Variants in PMPCB observed in about 807,000 individuals in gnomAD.
The protein encoded by PMPCB is peptidase, mitochondrial processing subunit beta.
PMPCB carries 46 observed loss-of-function variants against 61.5 expected under a neutral mutation model. The observed-to-expected ratio is 0.75, with a 90% CI of 0.59 to 0.96. PMPCB has a LOEUF of 0.96. Among genes scored for constraint, PMPCB ranks in the 40% least tolerant of loss-of-function variants. PMPCB has a pLI of 0.00. For synonymous variants in PMPCB, 191 were observed against 201.6 expected (o/e 0.95, Z 0.44); for missense variants, 590 against 602.4 (o/e 0.98, Z 0.22).
chr7:103,306,462 A>C (rs1817595069), intron 6 of PMPCB, among the ~76,000 whole-genome samples: 1 of 150,120 alleles, frequency 6.7e-6, no homozygotes, highest in Admixed American at 6.7e-5. Context: ...GGCTCACCGC[A>C]AACTCCGCCT....
chr7:103,308,920 A>C, intron 7 of PMPCB, 32 bp from the exon 8 acceptor site: 2 of 1,516,032 alleles, frequency 1.3e-6, no homozygotes, highest in African/African-American at 2.8e-5. Context: ...TGTTAATCTT[A>C]ACTAGAGGTC....
At chr7:103,347,491 T>C in the PMPCB span, 1 of 482,972 alleles carries the variant, frequency 2.1e-6, no homozygotes, top group Admixed American at 3.2e-5. Context: ...ATGCCAGGCG[T>C]TTTACAAACA....
rs1345776325 is a variant in PMPCB, at chr7:103,314,425, T to C, written c.*2154T>C. On this transcript the variant is annotated 3_prime_UTR_variant, in exon 13 of 13. Coordinates refer to ENST00000249269, the MANE Select transcript of PMPCB (RefSeq NM_004279.3). ...CAAAGGAGTCATACCCACATAGCAC[T>C]ACTGCCAGTCACTCTTGCCTTCACA... The C allele has an allele frequency of 1.0e-6, 1 of 985,264 alleles. No individual in the cohort carries two copies. The highest frequency in any genetic ancestry group is 1.2e-6 in the Non-Finnish European group (1 of 829,924). 61.0% of individuals were successfully genotyped at this position (985,264 alleles called of 1,614,324 possible).
At chr7:103,329,031 G>C (rs1277493279) in exon 13 of PMPCB, 1 of 1,255,170 alleles carries the variant, frequency 8.0e-7, no homozygotes, top group Non-Finnish European at 1.0e-6. Flanking sequence ...TTTTACCACA[G>C]CCTCAGCCAC....
chr7:103,306,030 T>A (rs1586044849), intron 6 of PMPCB, among the ~76,000 whole-genome samples: 1 of 152,330 alleles, frequency 6.6e-6, no homozygotes, highest in East Asian at 1.9e-4. Flanking sequence ...TTAATTAGTA[T>A]TCATTTTAAA....
intron 4 of PMPCB, among the ~76,000 whole-genome samples, chr7:103,301,980 T>C (rs1426998599): frequency 6.6e-6 from 1 of 152,068 alleles, no homozygotes; most frequent in African/African-American, 2.4e-5. Context: ...GGCTCCGGTG[T>C]GTGATGTTCC....
At chr7:103,308,899 A>C (rs1304982476) in intron 7 of PMPCB, 53 bp from the exon 8 acceptor site, 16 of 1,397,272 alleles carry the variant, frequency 1.1e-5, no homozygotes, top group Non-Finnish European at 1.5e-5. Context: ...GTTAATAAGC[A>C]TGTTATATAA....
At chr7:103,327,529 T>C (rs191990151) in intron 12 of PMPCB, 6 of 733,886 alleles carry the variant, frequency 8.2e-6, no homozygotes, top group African/African-American at 5.3e-5. Flanking sequence ...GAACTTGATA[T>C]AACTAAAATG....
intron 6 of PMPCB, among the ~76,000 whole-genome samples, chr7:103,305,673 T>C (rs1817557131): frequency 6.6e-6 from 1 of 152,258 alleles, no homozygotes; most frequent in Admixed American, 6.5e-5. Context: ...TTGCTCTGGA[T>C]TGATTTCTGA....
At chr7:103,333,502 G>A (rs77781996), downstream of PMPCB, among the ~76,000 whole-genome samples, 22 of 152,136 alleles carry the variant, frequency 1.4e-4, no homozygotes, top group Non-Finnish European at 2.5e-4. Flanking sequence ...GTCTGATTCA[G>A]CGGAGATAAA....
chr7:103,322,461 TA>T, intron 12 of PMPCB: 1 of 1,392,892 alleles, frequency 7.2e-7, no homozygotes. Context: ...AAGTGAAGAT[TA>T]AAGATTTCAT....
At chr7:103,316,970 AGCTTCCT>A, downstream of PMPCB, 1 of 1,613,852 alleles carries the variant, frequency 6.2e-7, no homozygotes. Context: ...TACGAGCCTC[AGCTTCCT>A]CTTTCTCTTT....
intron 4 of PMPCB, among the ~76,000 whole-genome samples, chr7:103,302,099 C>T (rs1313295927): frequency 2.6e-5 from 4 of 152,176 alleles, no homozygotes; most frequent in African/African-American, 4.8e-5. Flanking sequence ...TGGTTTCCAG[C>T]TTCATCCATG....
chr7:103,298,700 A>G lies in PMPCB; in HGVS notation c.232A>G (p.Thr78Ala). Residue 78 changes from threonine (T) to alanine (A), a missense_variant, in exon 2 of 13, where the codon ACA becomes GCA. Transcript: ENST00000249269. ...AGCTTCGGAAGACTCTGGGCTCTCAACATGCACAGTAAGTGACTCAGGCAA... is the reference window on the plus strand; with the variant it reads ...AGCTTCGGAAGACTCTGGGCTCTCAGCATGCACAGTAAGTGACTCAGGCAA... ...RVASEDSGLS[T>A]CTVGLWIDAG... The G allele has an allele frequency of 6.2e-7, 1 of 1,614,042 alleles. No homozygotes were observed. Among genetic ancestry groups the G allele is most frequent in the Non-Finnish European group, 8.5e-7 (1 of 1,179,932 alleles).
intron 6 of PMPCB, among the ~76,000 whole-genome samples, chr7:103,306,660 C>T (rs1817600916): frequency 6.6e-6 from 1 of 152,092 alleles, no homozygotes; most frequent in Non-Finnish European, 1.5e-5. Flanking sequence ...GTTGGGATTA[C>T]AGGCGTGAGC....
chr7:103,323,636 A>G, intron 12 of PMPCB: 1 of 1,459,036 alleles, frequency 6.9e-7, no homozygotes, highest in Non-Finnish European at 9.4e-7. Context: ...CTAAATAAGA[A>G]AATTCTCTCC....
chr7:103,312,174 T>C (rs1817781165), intron 12 of PMPCB, 33 bp from the exon 13 acceptor site: 1 of 1,614,032 alleles, frequency 6.2e-7, no homozygotes, highest in Non-Finnish European at 8.5e-7. Flanking sequence ...GTTGGCCAAG[T>C]ACTTTTAATT....
chr7:103,326,145 A>ATTTTTTTTTTTTTTTTTTT (rs1818693301), intron 12 of PMPCB, among the ~76,000 whole-genome samples: 1 of 151,880 alleles, frequency 6.6e-6, no homozygotes, highest in African/African-American at 2.4e-5. Flanking sequence ...CGGCCAGCTA[A>ATTTTTTTTTTTTTTTTTTT]TTTTTGTATT....
chr7:103,334,359 C>T (rs138718777), downstream of PMPCB, among the ~76,000 whole-genome samples: 1,469 of 151,416 alleles, frequency 9.7e-3, 62 homozygotes, highest in East Asian at 0.13. Context: ...CTCAGGAGTT[C>T]GAGACCAGCC....
Sources: allele counts gnomAD v4.1 joint callset (sites outside exome capture counted in the v4.1 genomes callset), GRCh38; gene constraint gnomAD v4.1.1; transcripts MANE v1.5; gene names NCBI Gene and HGNC (gene_info 2026-07-23, HGNC 2026-07-21).